OPCML: variants seen among roughly 807,000 people sequenced by gnomAD.
OPCML encodes opioid-binding protein/cell adhesion molecule.
OPCML carries 13 observed loss-of-function variants against 37.8 expected under a neutral mutation model. The observed-to-expected ratio is 0.34, with a 90% CI of 0.22 to 0.55. The LOEUF (loss-of-function observed/expected upper bound fraction) is 0.55. OPCML is among the 20% of genes least tolerant of loss of function. The pLI, the probability that OPCML is intolerant of heterozygous loss-of-function variation, is 0.91. For missense variants in OPCML, 341 were observed against 435.6 expected (o/e 0.78, Z 1.93); for synonymous variants, 176 against 168.8 (o/e 1.04, Z -0.33).
At chr11:133,199,363 T>C (rs1306280787) in intron 1 of OPCML, among the ~76,000 whole-genome samples, 1 of 152,236 alleles carries the variant, frequency 6.6e-6, no homozygotes, top group Admixed American at 6.5e-5. Context: ...TTATAAGTAA[T>C]AAATTATTTT....
At chr11:133,419,854 T>C (rs1945848813) in intron 1 of OPCML, among the ~76,000 whole-genome samples, 1 of 152,214 alleles carries the variant, frequency 6.6e-6, no homozygotes, top group South Asian at 2.1e-4. Context: ...TCAAAACCTA[T>C]TATCTAATTC....
intron 1 of OPCML, among the ~76,000 whole-genome samples, chr11:133,430,617 T>A (rs2136915426): frequency 6.6e-6 from 1 of 152,280 alleles, no homozygotes; most frequent in African/African-American, 2.4e-5. Flanking sequence ...CATACATATT[T>A]GAAGAATACA....
At chr11:132,782,246 C>T (rs570824002) in intron 2 of OPCML, among the ~76,000 whole-genome samples, 1 of 151,302 alleles carries the variant, frequency 6.6e-6, no homozygotes, top group South Asian at 2.1e-4. Flanking sequence ...GGTGTGTCTG[C>T]TTGTGGAGCC....
chr11:132,715,142 CCT>C (rs1201633442), intron 2 of OPCML, among the ~76,000 whole-genome samples: 1 of 152,168 alleles, frequency 6.6e-6, no homozygotes, highest in Non-Finnish European at 1.5e-5. Flanking sequence ...CTCATTCCTC[CCT>C]CTCTCCGGAG....
At chr11:132,924,154 T>C (rs537466357) in intron 2 of OPCML, among the ~76,000 whole-genome samples, 1 of 152,032 alleles carries the variant, frequency 6.6e-6, no homozygotes, top group East Asian at 1.9e-4. Context: ...TGTGTGTATG[T>C]GAAGAGGGAC....
chr11:133,444,924 C>G (rs1946442626), intron 1 of OPCML, among the ~76,000 whole-genome samples: 1 of 146,158 alleles, frequency 6.8e-6, no homozygotes, highest in African/African-American at 2.6e-5. Context: ...CATGGTGATC[C>G]TGGATGGTGG....
chr11:133,304,213 C>A (rs1275359465), intron 1 of OPCML, among the ~76,000 whole-genome samples: 1 of 152,198 alleles, frequency 6.6e-6, no homozygotes, highest in Non-Finnish European at 1.5e-5. Flanking sequence ...CAAACGTCTG[C>A]TGGGACATGA....
At chr11:132,462,946 C>A (rs976095748) in intron 4 of OPCML, among the ~76,000 whole-genome samples, 1 of 152,176 alleles carries the variant, frequency 6.6e-6, no homozygotes, top group African/African-American at 2.4e-5. Context: ...AGAGTCCCAA[C>A]AAGGCCATGA....
intron 1 of OPCML, among the ~76,000 whole-genome samples, chr11:132,967,946 G>T (rs1320306540): frequency 1.3e-5 from 2 of 152,046 alleles, no homozygotes; most frequent in Non-Finnish European, 2.9e-5. Context: ...TGAAACGAAG[G>T]CACATATGAA....
At chr11:133,315,622 A>ATCCC (rs1363917648) in intron 1 of OPCML, among the ~76,000 whole-genome samples, 2 of 152,200 alleles carry the variant, frequency 1.3e-5, no homozygotes, top group African/African-American at 4.8e-5. Flanking sequence ...AACATGGTGA[A>ATCCC]TCCCTGTCTC....
At chr11:132,486,649 T>C (rs1156411043) in intron 4 of OPCML, among the ~76,000 whole-genome samples, 2 of 152,150 alleles carry the variant, frequency 1.3e-5, no homozygotes, top group Admixed American at 1.3e-4. Flanking sequence ...TTTTTAATTT[T>C]CCTTTCTTTC....
intron 4 of OPCML, among the ~76,000 whole-genome samples, chr11:132,511,470 G>GA (rs1441548730): frequency 3.3e-5 from 5 of 151,732 alleles, no homozygotes; most frequent in African/African-American, 4.8e-5. Flanking sequence ...CCACTATTTT[G>GA]AAAAAAACAA....
chr11:133,094,382 CA>C (rs1438434914), intron 1 of OPCML, among the ~76,000 whole-genome samples: 1 of 152,092 alleles, frequency 6.6e-6, no homozygotes, highest in African/African-American at 2.4e-5. Context: ...GGCAAATGTT[CA>C]GATATTATTT....
At chr11:133,463,099 T>C in intron 1 of OPCML, among the ~76,000 whole-genome samples, 1 of 128,874 alleles carries the variant, frequency 7.8e-6, no homozygotes. Flanking sequence ...AAGCACTGTA[T>C]GAGTTCATGA....
intron 2 of OPCML, among the ~76,000 whole-genome samples, chr11:132,779,565 TG>T (rs936674429): frequency 6.8e-5 from 8 of 117,598 alleles, no homozygotes; most frequent in African/African-American, 2.6e-4. Context: ...AAGGGGGGCG[TG>T]GGGAGAGAGA....
At chr11:133,314,664 AG>A (rs1164250144) in intron 1 of OPCML, among the ~76,000 whole-genome samples, 1 of 152,198 alleles carries the variant, frequency 6.6e-6, no homozygotes, top group Non-Finnish European at 1.5e-5. Context: ...TTCTAGGAAG[AG>A]GCCCTGATGT....
chr11:133,336,866 C>A (rs1592213149), intron 1 of OPCML, among the ~76,000 whole-genome samples: 1 of 152,280 alleles, frequency 6.6e-6, no homozygotes, highest in East Asian at 1.9e-4. Flanking sequence ...TAACATTCTC[C>A]AGAAGCTCAA....
At chr11:133,315,325 C>T (rs186147108) in intron 1 of OPCML, among the ~76,000 whole-genome samples, 86 of 152,072 alleles carry the variant, frequency 5.7e-4, no homozygotes, top group Non-Finnish European at 1.1e-3. Context: ...AACTCATTTG[C>T]TTATAAAATC....
rs1316910782 is a variant in OPCML, at chr11:132,914,142, C to T, written c.146+28784G>A. ...GGACACCCCTGGCAATGTGCTGACA[C>T]ACATTCCCTGCCGCAAATGGAGAAG... On this transcript the variant is annotated intron_variant, in intron 2 of 7. Transcript: ENST00000524381. 2.0e-5 allele frequency among the ~76,000 whole-genome samples: 3 copies of T among 152,346 alleles called. No individual in the cohort carries two copies. The East Asian group carries it at 5.8e-4, about 29-fold the overall frequency.
Sources: gnomAD v4.1 joint callset for allele counts (sites outside exome capture counted in the v4.1 genomes callset) on GRCh38, gnomAD v4.1.1 for gene constraint, MANE v1.5 for transcripts, NCBI Gene and HGNC (gene_info 2026-07-23, HGNC 2026-07-21) for gene names.